The following PPP1R1C variants were observed in gnomAD, a reference collection of about 807,000 sequenced individuals.
PPP1R1C encodes the protein protein phosphatase 1 regulatory subunit 1C.
PPP1R1C carries 15 observed loss-of-function variants against 17.4 expected under a neutral mutation model. The observed-to-expected ratio is 0.86, with a 90% CI of 0.58 to 1.33. The LOEUF (loss-of-function observed/expected upper bound fraction) is 1.33, where lower values mean the gene tolerates loss of function less well. PPP1R1C is among the 40% of genes most tolerant of loss of function. The pLI is 0.00. For missense variants in PPP1R1C, 143 were observed against 130.0 expected, an observed-to-expected ratio of 1.10 and a Z score of -0.48; for synonymous variants, 35 against 43.1, an observed-to-expected ratio of 0.81 and a Z score of 0.73.
In PPP1R1C at chr2:182,063,716, T is replaced by C; in HGVS notation, c.181-15T>C. On this transcript the variant is annotated splice_polypyrimidine_tract_variant and intron_variant, in intron 3 of 4. Transcript: ENST00000682840. ...TCCAAATCTAAGGCTTTTACTTTTTTCTCTTTCTCCACAGTTACAGAATGC... is the reference window on the plus strand; with the variant it reads ...TCCAAATCTAAGGCTTTTACTTTTTCCTCTTTCTCCACAGTTACAGAATGC... 6.2e-7 allele frequency: 1 copy of C among 1,609,582 alleles called. No homozygotes were observed. The highest frequency in any genetic ancestry group is 8.5e-7 in the Non-Finnish European group (1 of 1,176,312).
chr2:182,124,339 G>GTTTTTTTTTTTGT (rs1689819592), intron 5 of PPP1R1C, among the ~76,000 whole-genome samples: 2 of 52,166 alleles, frequency 3.8e-5, no homozygotes, highest in Non-Finnish European at 8.1e-5. Flanking sequence ...TTTTTTTTTT[G>GTTTTTTTTTTTGT]TTTTTTTTTT....
intron 2 of PPP1R1C, among the ~76,000 whole-genome samples, chr2:182,054,579 T>C (rs548876985): frequency 1.3e-5 from 2 of 152,200 alleles, no homozygotes; most frequent in South Asian, 2.1e-4. Flanking sequence ...CTTTTTTTTT[T>C]CACTCAACAT....
At chr2:182,066,800 C>T (rs1687994222) in intron 4 of PPP1R1C, among the ~76,000 whole-genome samples, 1 of 152,080 alleles carries the variant, frequency 6.6e-6, no homozygotes, top group Admixed American at 6.6e-5. Context: ...ACGTACATTT[C>T]TCTGGTGTTT....
Position 181,976,727 on chromosome 2 carries a change from T to C in PPP1R1C, n.157+1463T>C, listed in dbSNP as rs1685097685. 6.6e-6 allele frequency among the ~76,000 whole-genome samples: 1 copy of C among 152,170 alleles called. No individual in the cohort carries two copies. The highest frequency in any genetic ancestry group is 2.4e-5 in the African/African-American group (1 of 41,440). ...AGCCCAGGACATATTCAAGTCTGGT[T>C]CATCTATAAAATAAATCTAAAAAGC... On this transcript the variant is annotated intron_variant and non_coding_transcript_variant, in intron 2 of 5. Transcript: ENST00000464264. The surrounding 1 kb of genome is among the most constrained non-coding windows in gnomAD (Gnocchi z 4.8).
rs138957530 is a variant in PPP1R1C, at chr2:182,014,628, A to G, written c.142+26729A>G. On this transcript the variant is annotated intron_variant, in intron 2 of 4. Transcript: ENST00000682840. ...GCCAGGCTGATGTCCTTCCCTTCAC[A>G]GCGGCAAACCCTACTCCATCCCAGG... 5.1e-3 allele frequency among the ~76,000 whole-genome samples: 769 copies of G among 151,730 alleles called. 8 individuals carry two copies. The highest frequency in any genetic ancestry group is 0.018 in the African/African-American group (732 of 41,362).
chr2:182,097,295 C>G (rs1688968639), intron 4 of PPP1R1C, among the ~76,000 whole-genome samples: 1 of 152,138 alleles, frequency 6.6e-6, no homozygotes, highest in African/African-American at 2.4e-5. Flanking sequence ...ATTTACCTGC[C>G]ACCCCTAATG....
chr2:182,119,903 T>G (rs1689689578), downstream of PPP1R1C, among the ~76,000 whole-genome samples: 2 of 152,212 alleles, frequency 1.3e-5, no homozygotes, highest in South Asian at 4.1e-4. Context: ...AGAAGGTCTT[T>G]AGTTTAATTA....
intron 2 of PPP1R1C, among the ~76,000 whole-genome samples, chr2:182,031,638 T>C (rs1686843246): frequency 6.6e-6 from 1 of 152,226 alleles, no homozygotes; most frequent in Non-Finnish European, 1.5e-5. Context: ...CCTCACTTCT[T>C]ATTTTCTTAT....
chr2:182,027,195 C>G (rs28773780), intron 2 of PPP1R1C, among the ~76,000 whole-genome samples: 3,776 of 114,350 alleles, frequency 0.033, 280 homozygotes, highest in Admixed American at 0.17. Context: ...AATTGAATAC[C>G]CTTTATTTCC....
intron 2 of PPP1R1C, among the ~76,000 whole-genome samples, chr2:182,000,371 G>A (rs897701763): frequency 6.6e-6 from 1 of 152,068 alleles, no homozygotes; most frequent in African/African-American, 2.4e-5. Context: ...TTCTGTCCAA[G>A]TGTAATCAAT....
At chr2:182,046,751 A>G (rs1002488977) in intron 2 of PPP1R1C, among the ~76,000 whole-genome samples, 4 of 151,936 alleles carry the variant, frequency 2.6e-5, no homozygotes, top group South Asian at 2.1e-4. Flanking sequence ...AAAAAAAAAA[A>G]AAAGAAAGAA....
rs1419810479 is a variant in PPP1R1C at position 181,962,286 on chromosome 2, C to T, written n.111+7652C>T. 22 of 748,258 alleles carry T rather than the reference C, an allele frequency of 2.9e-5. No individual in the cohort carries two copies. The highest frequency in any genetic ancestry group is 2.9e-4 in the Middle Eastern group (1 of 3,482). The allele number at this position is 748,258 out of a possible 1,614,324, so 46.4% of individuals were successfully genotyped here. A position where few individuals can be genotyped will look rare whatever the true frequency, so the allele number is the denominator to read the frequency against. ...CCTGCCAGACCCCCGGCCATCCCCG[C>T]GGCCAGGTCCCCGGACCCCATGCCA... On this transcript the variant is annotated intron_variant and non_coding_transcript_variant, in intron 1 of 5. Transcript: ENST00000464264. The surrounding 1 kb of genome is among the most constrained non-coding windows in gnomAD (Gnocchi z 6.0).
intron 4 of PPP1R1C, among the ~76,000 whole-genome samples, chr2:182,094,089 G>A (rs1400882228): frequency 6.6e-6 from 1 of 152,110 alleles, no homozygotes; most frequent in East Asian, 1.9e-4. Flanking sequence ...ATCTTCAGTA[G>A]GCTAGTCATT....
At chr2:181,972,441 A>G (rs1377410354) in intron 1 of PPP1R1C, among the ~76,000 whole-genome samples, 2 of 152,324 alleles carry the variant, frequency 1.3e-5, no homozygotes, top group East Asian at 3.9e-4. Context: ...TGTGGACAAT[A>G]AACGTGTATT....
At position 182,088,705 on chromosome 2, in the gene PPP1R1C, A is replaced by G. The variant is rs866161958; in HGVS notation, c.241+24914A>G. Reference sequence around the variant, plus strand: ...CTTGGAAAGTTGCATCGGTATTCCAACTACACTGACTATTTCTTTTTCTCT... The same window carrying G: ...CTTGGAAAGTTGCATCGGTATTCCAGCTACACTGACTATTTCTTTTTCTCT... On this transcript the variant is annotated intron_variant, in intron 4 of 4. Transcript: ENST00000682840. 1.2e-4 allele frequency among the ~76,000 whole-genome samples: 19 copies of G among 152,262 alleles called. 1 individual carries two copies. The South Asian group carries it at 2.5e-3, about 20-fold the overall frequency.
intron 4 of PPP1R1C, among the ~76,000 whole-genome samples, chr2:182,076,540 C>G (rs1688318605): frequency 6.7e-6 from 1 of 149,440 alleles, no homozygotes; most frequent in South Asian, 2.1e-4. Flanking sequence ...AGCATTGGAT[C>G]TGTGATTTCA....
chr2:182,067,679 C>A (rs960611429), intron 4 of PPP1R1C, among the ~76,000 whole-genome samples: 1 of 151,980 alleles, frequency 6.6e-6, no homozygotes, highest in African/African-American at 2.4e-5. Flanking sequence ...CACAAAACAA[C>A]AACAAAGAAA....
intron 2 of PPP1R1C, among the ~76,000 whole-genome samples, chr2:182,021,861 G>A (rs1686438854): frequency 6.6e-6 from 1 of 152,148 alleles, no homozygotes; most frequent in East Asian, 1.9e-4. Flanking sequence ...AGAAATGAAC[G>A]AACACTTTAG....
Position 181,962,036 on chromosome 2 carries a change from G to C in PPP1R1C, n.111+7402G>C, listed in dbSNP as rs1684807896. ...ATTGTCAATCTGCAAAACGATGCCG[G>C]CATTGTCCACAGTATTTGCGAAGAT... On this transcript the variant is annotated intron_variant and non_coding_transcript_variant, in intron 1 of 5. Transcript: ENST00000464264. This position sits in a 1 kb window ranked among gnomAD's most constrained non-coding sequence, Gnocchi z 6.0. 1 of 726,226 alleles carries C rather than the reference G, an allele frequency of 1.4e-6. No homozygotes were observed. The highest frequency in any genetic ancestry group is 1.7e-5 in the African/African-American group (1 of 57,724). The allele number at this position is 726,226 out of a possible 1,614,324, so 45.0% of individuals were successfully genotyped here.
Sources: gnomAD v4.1 joint callset for allele counts (sites outside exome capture counted in the v4.1 genomes callset) on GRCh38, gnomAD v4.1.1 for gene constraint, Gnocchi (gnomAD v3.1) non-coding constraint, MANE v1.5 for transcripts, NCBI Gene and HGNC (gene_info 2026-07-23, HGNC 2026-07-21) for gene names.